Variants in ZMYND15 observed in about 807,000 individuals in gnomAD.
ZMYND15 encodes zinc finger MYND-type containing 15.
ZMYND15 carries 54 observed loss-of-function variants against 81.7 expected under a neutral mutation model. The ratio of observed to expected loss-of-function variants is 0.66; its 90% CI spans 0.53 to 0.83. ZMYND15 has a LOEUF of 0.83. ZMYND15 is among the 40% of genes least tolerant of loss of function. The pLI, the probability that ZMYND15 is intolerant of heterozygous loss-of-function variation, is 0.00. For missense variants in ZMYND15, 925 were observed against 973.5 expected, an observed-to-expected ratio of 0.95 and a Z score of 0.66; for synonymous variants, 399 against 387.0, an observed-to-expected ratio of 1.03 and a Z score of -0.36.
intron 2 of ZMYND15, 129 bp downstream of exon 2, chr17:4,741,269 CCA>C: frequency 9.1e-7 from 1 of 1,100,386 alleles, no homozygotes; most frequent in African/African-American, 1.6e-5. Context: ...TTTTATTGAC[CCA>C]CAGTGGGGTT....
In ZMYND15 at chr17:4,743,654, C is replaced by A; in HGVS notation, c.1298-113C>A. ...GAAACCCCATCCCTATGCAAACCCCCATTCCTCTTACTGCGGCTGTCTCAG... is the reference window on the plus strand; with the variant it reads ...GAAACCCCATCCCTATGCAAACCCCAATTCCTCTTACTGCGGCTGTCTCAG... On this transcript the variant is annotated intron_variant, in intron 6 of 13. Coordinates refer to ENST00000433935, the MANE Select transcript of ZMYND15 (RefSeq NM_001136046.3). This position sits in a 1 kb window ranked among gnomAD's most constrained non-coding sequence, Gnocchi z 4.3. 1 of 1,295,334 alleles carries A rather than the reference C, an allele frequency of 7.7e-7. No homozygotes were observed. Among genetic ancestry groups the A allele is most frequent in the Non-Finnish European group, 1.1e-6 (1 of 944,346 alleles). 80.2% of individuals were successfully genotyped at this position (1,295,334 alleles called of 1,614,324 possible).
Position 4,745,807 on chromosome 17 carries a change from G to A in ZMYND15, c.2058-12G>A. The A allele has an allele frequency of 1.3e-6, 2 of 1,576,274 alleles. No homozygotes were observed. Among genetic ancestry groups the A allele is most frequent in the Non-Finnish European group, 1.7e-6 (2 of 1,163,812 alleles). ...GCCCCGTGGTCCCTGACTGCGCCCC[G>A]CGCCCCCGCAGGTACTGCAATGCCT... On this transcript the variant is annotated splice_polypyrimidine_tract_variant and intron_variant, in intron 13 of 13. Transcript: ENST00000433935. This position sits in a 1 kb window ranked among gnomAD's most constrained non-coding sequence, Gnocchi z 5.2.
At position 4,745,379 on chromosome 17, in the gene ZMYND15, A is replaced by AG; in HGVS notation, c.2057+7dup. The AG allele has an allele frequency of 6.3e-7, 1 of 1,593,056 alleles. No individual in the cohort carries two copies. Among genetic ancestry groups the AG allele is most frequent in the Non-Finnish European group, 8.5e-7 (1 of 1,171,156 alleles). ...CGGCCGACAACTGCATGTCCTGGTA[A>AG]GGGTCTGCGACCCTATTTCCTTCCT... On this transcript the variant is annotated splice_donor_region_variant and intron_variant, in intron 13 of 13. Transcript: ENST00000433935. This position sits in a 1 kb window ranked among gnomAD's most constrained non-coding sequence, Gnocchi z 5.2.
rs1302244158 is a variant in ZMYND15 at position 4,745,922 on chromosome 17, C to T, written c.2161C>T (p.Pro721Ser). ...PPPPSPTPSA[P>S]PAPTRRRRGE... is the part of the protein sequence containing the mutation. ...ACCCCCATCCCCAACTCCCTCTGCT[C>T]CTCCTGCCCCCACCCGAAGGCGCCG... The change falls in exon 14 of 14, where the codon CCT becomes TCT. Residue 721 changes from proline to serine, a missense_variant. Pro to Ser is a moderately conservative substitution (Grantham distance 74). Coordinates refer to ENST00000433935, the MANE Select transcript of ZMYND15 (RefSeq NM_001136046.3). This position sits in a 1 kb window ranked among gnomAD's most constrained non-coding sequence, Gnocchi z 5.2. 2 of 1,501,996 alleles carry T rather than the reference C, an allele frequency of 1.3e-6. No individual in the cohort carries two copies. Among genetic ancestry groups the T allele is most frequent in the South Asian group, 1.3e-5 (1 of 77,556 alleles). The allele number at this position is 1,501,996 out of a possible 1,614,324, so 93.0% of individuals were successfully genotyped here.
At chr17:4,741,874 C>T (rs1330045241) in intron 3 of ZMYND15, 41 bp from the exon 4 acceptor site, 1 of 1,596,300 alleles carries the variant, frequency 6.3e-7, no homozygotes, top group Non-Finnish European at 8.6e-7. Context: ...TCCCAAGCAC[C>T]TCCTCCAGCC....
Position 4,745,207 on chromosome 17 carries a change from C to T in ZMYND15, c.1897-8C>T. 2 of 1,614,074 alleles carry T rather than the reference C, an allele frequency of 1.2e-6. No homozygotes were observed. Among genetic ancestry groups the T allele is most frequent in the Non-Finnish European group, 1.7e-6 (2 of 1,179,990 alleles). On this transcript the variant is annotated splice_region_variant and splice_polypyrimidine_tract_variant and intron_variant, in intron 12 of 13. Coordinates refer to ENST00000433935, the MANE Select transcript of ZMYND15 (RefSeq NM_001136046.3). This position sits in a 1 kb window ranked among gnomAD's most constrained non-coding sequence, Gnocchi z 5.2. ...GGGCCTCTCAGAGCGACTCTCGCTC[C>T]ACCCCAGTCCCTCCGAGTGCCAGCC...
In ZMYND15 at chr17:4,744,164, C is replaced by T; in HGVS notation, c.1496-26C>T. ...ATGGGGGAGTGAGAGTGGACCACAT[C>T]CTTAAAGCGCTGGTTTTTCACCCAG... On this transcript the variant is annotated intron_variant, in intron 8 of 13. Transcript: ENST00000433935. The surrounding 1 kb of genome is among the most constrained non-coding windows in gnomAD (Gnocchi z 4.1). 2 of 1,613,862 alleles carry T rather than the reference C, an allele frequency of 1.2e-6. No individual in the cohort carries two copies. The highest frequency in any genetic ancestry group is 1.7e-6 in the Non-Finnish European group (2 of 1,179,836).
In ZMYND15 at chr17:4,741,595, G is replaced by A; in HGVS notation, c.606G>A (p.Leu202=). 1 of 1,613,972 alleles carries A rather than the reference G, an allele frequency of 6.2e-7. No homozygotes were observed. The highest frequency in any genetic ancestry group is 8.5e-7 in the Non-Finnish European group (1 of 1,179,938). The change falls in exon 3 of 14, where the codon CTG becomes CTA. Residue 202 remains leucine, a synonymous_variant. Transcript: ENST00000433935. ...RKGQRSEAAP[L]HVSCLLLVTD... ...CTCTTTCCCCAGAGGCTGCCCCCCT[G>A]CACGTTTCCTGTCTCTTACTTGTGA...
At chr17:4,741,873 C>T (rs1916436905) in intron 3 of ZMYND15, 42 bp from the exon 4 acceptor site, 2 of 1,596,154 alleles carry the variant, frequency 1.3e-6, no homozygotes, top group East Asian at 2.2e-5. Flanking sequence ...TTCCCAAGCA[C>T]CTCCTCCAGC....
In ZMYND15 at chr17:4,743,838, G is replaced by C. The variant is rs1451300858; in HGVS notation, c.1369G>C (p.Gly457Arg). 1 of 1,613,890 alleles carries C rather than the reference G, an allele frequency of 6.2e-7. No individual in the cohort carries two copies. Among genetic ancestry groups the C allele is most frequent in the Non-Finnish European group, 8.5e-7 (1 of 1,179,936 alleles). ...MPPVPPHPPR[G>R]VFGSWQDYYT... ...TCCTGTGCCCCCACATCCACCCCGG[G>C]GTGTTTTTGGTGAGCTGGAGGGGCC... The change falls in exon 7 of 14, where the codon GGT becomes CGT. Residue 457 changes from glycine to arginine, a missense_variant. Transcript: ENST00000433935. This position sits in a 1 kb window ranked among gnomAD's most constrained non-coding sequence, Gnocchi z 4.3.
At chr17:4,740,189 C>G in intron 1 of ZMYND15, 139 bp downstream of exon 1, 4 of 639,128 alleles carry the variant, frequency 6.3e-6, no homozygotes, top group Non-Finnish European at 7.9e-6. Context: ...CCCACCAAAC[C>G]GTTCCCGATA....
Position 4,740,060 on chromosome 17 carries a change from G to A in ZMYND15, c.-31+10G>A, listed in dbSNP as rs1916313141. ...GTGGTGGCGGCTGCAGGTACCGGAG[G>A]AGTGGGGCGGCCGGGAGGGGCTAGG... On this transcript the variant is annotated intron_variant, in intron 1 of 13. Transcript: ENST00000433935. The A allele has an allele frequency of 4.1e-6, 4 of 986,038 alleles. No individual in the cohort carries two copies. The highest frequency in any genetic ancestry group is 4.7e-5 in the South Asian group (1 of 21,318). 61.1% of individuals were successfully genotyped at this position (986,038 alleles called of 1,614,324 possible).
At position 4,745,759 on chromosome 17, in the gene ZMYND15, G is replaced by GAGCCCCGACCCCTGGT; in HGVS notation, c.2058-57_2058-56insCCCGACCCCTGGTAGC. 6.9e-7 allele frequency: 1 copy of GAGCCCCGACCCCTGGT among 1,439,764 alleles called. No individual in the cohort carries two copies. The highest frequency in any genetic ancestry group is 9.3e-7 in the Non-Finnish European group (1 of 1,069,836). 89.2% of individuals were successfully genotyped at this position (1,439,764 alleles called of 1,614,324 possible). On this transcript the variant is annotated intron_variant, in intron 13 of 13. Coordinates refer to ENST00000433935, the MANE Select transcript of ZMYND15 (RefSeq NM_001136046.3). This position sits in a 1 kb window ranked among gnomAD's most constrained non-coding sequence, Gnocchi z 5.2. The stretch of plus-strand genomic sequence containing the variant: ...CGCCCCTGGGAGCCCCGACCCCTGG[G>GAGCCCCGACCCCTGGT]AGCGCCGACCCCTGGGAGTCCCGCC...
intron 5 of ZMYND15, 54 bp downstream of exon 5, chr17:4,742,545 C>G: frequency 1.9e-6 from 3 of 1,594,242 alleles, no homozygotes; most frequent in Non-Finnish European, 1.7e-6. Context: ...GTCTTTGAGA[C>G]TGGGAATTAG....
intron 1 of ZMYND15, 78 bp downstream of exon 1, chr17:4,740,128 C>A: frequency 3.1e-6 from 3 of 958,268 alleles, no homozygotes; most frequent in Non-Finnish European, 3.7e-6. Context: ...CCCAGGGAAC[C>A]CCCTCGCTCC....
In ZMYND15 at chr17:4,743,691, C is replaced by T. The variant is rs113501795; in HGVS notation, c.1298-76C>T. 6.7e-5 allele frequency: 97 copies of T among 1,458,488 alleles called. 2 individuals are homozygous for T. In the African/African-American group the frequency reaches 8.1e-4, roughly 12 times the overall value. The allele number at this position is 1,458,488 out of a possible 1,614,324, so 90.3% of individuals were successfully genotyped here. On this transcript the variant is annotated intron_variant, in intron 6 of 13. Coordinates refer to ENST00000433935, the MANE Select transcript of ZMYND15 (RefSeq NM_001136046.3). This position sits in a 1 kb window ranked among gnomAD's most constrained non-coding sequence, Gnocchi z 4.3. ...TGCGGCTGTCTCAGGGAATACAGCCCCTTTGGAAGGAAGAAAGAGATGGGT... is the reference window on the plus strand; with the variant it reads ...TGCGGCTGTCTCAGGGAATACAGCCTCTTTGGAAGGAAGAAAGAGATGGGT...
At chr17:4,742,852 T>C (rs1916486857) in intron 5 of ZMYND15, among the ~76,000 whole-genome samples, 1 of 152,106 alleles carries the variant, frequency 6.6e-6, no homozygotes, top group African/African-American at 2.4e-5. Flanking sequence ...GTTACAAGGA[T>C]TATCTTGGCT....
intron 4 of ZMYND15, 41 bp from the exon 5 acceptor site, chr17:4,742,290 A>G: frequency 6.2e-7 from 1 of 1,607,664 alleles, no homozygotes; most frequent in Non-Finnish European, 8.5e-7. Context: ...CAGGACCTAC[A>G]GAGGTTAACA....
In ZMYND15 at chr17:4,745,745, G is replaced by GCCCCGACCCCTGGGAC. The variant is rs1916637829; in HGVS notation, c.2058-59_2058-58insCCCCCGACCCCTGGGA. 4.7e-6 allele frequency: 6 copies of GCCCCGACCCCTGGGAC among 1,272,480 alleles called. No individual in the cohort carries two copies. Among genetic ancestry groups the GCCCCGACCCCTGGGAC allele is most frequent in the South Asian group, 1.5e-5 (1 of 68,892 alleles). The allele number at this position is 1,272,480 out of a possible 1,614,324, so 78.8% of individuals were successfully genotyped here. A position where few individuals can be genotyped will look rare whatever the true frequency, so the allele number is the denominator to read the frequency against. On this transcript the variant is annotated intron_variant, in intron 13 of 13. Coordinates refer to ENST00000433935, the MANE Select transcript of ZMYND15 (RefSeq NM_001136046.3). The surrounding 1 kb of genome is among the most constrained non-coding windows in gnomAD (Gnocchi z 5.2). ...CTGGTCCCTGACCGCGCCCCTGGGAGCCCCGACCCCTGGGAGCGCCGACCC... is the reference window on the plus strand; with the variant it reads ...CTGGTCCCTGACCGCGCCCCTGGGAGCCCCGACCCCTGGGACCCCCGACCCCTGGGAGCGCCGACCC...
Sources: gnomAD v4.1 joint callset for allele counts (sites outside exome capture counted in the v4.1 genomes callset) on GRCh38, gnomAD v4.1.1 for gene constraint, Gnocchi (gnomAD v3.1) non-coding constraint, MANE v1.5 for transcripts, NCBI Gene and HGNC (gene_info 2026-07-23, HGNC 2026-07-21) for gene names.